Variants in CACNA2D3 observed in about 807,000 individuals in gnomAD.
CACNA2D3 encodes calcium voltage-gated channel auxiliary subunit alpha2delta 3.
Under a neutral mutation model 160.6 loss-of-function variants are expected in CACNA2D3, and 60 were observed. That is an observed-to-expected ratio of 0.37 (90% CI 0.30 to 0.46). The LOEUF is 0.46. CACNA2D3 is among the 20% of genes least tolerant of loss of function. CACNA2D3 has a pLI of 1.00. For missense variants in CACNA2D3, 1,205 were observed against 1,365.0 expected (o/e 0.88, Z 1.85); for synonymous variants, 558 against 492.9 (o/e 1.13, Z -1.75).
At chr3:54,567,554 G>T (rs1702428080) in intron 6 of CACNA2D3, among the ~76,000 whole-genome samples, 2 of 152,062 alleles carry the variant, frequency 1.3e-5, no homozygotes, top group Non-Finnish European at 2.9e-5. Flanking sequence ...TTTGTTTTTT[G>T]AGAAGGAGTC....
intron 11 of CACNA2D3, among the ~76,000 whole-genome samples, chr3:54,671,543 C>T (rs1575416106): frequency 6.6e-6 from 1 of 152,174 alleles, no homozygotes; most frequent in East Asian, 1.9e-4. Context: ...CAGAGCTCCT[C>T]TATCAGCCCT....
intron 5 of CACNA2D3, among the ~76,000 whole-genome samples, chr3:54,559,228 A>G (rs1360848860): frequency 6.6e-6 from 1 of 152,184 alleles, no homozygotes; most frequent in Non-Finnish European, 1.5e-5. Flanking sequence ...TGCTTCAGCC[A>G]GTGTACAGGA....
chr3:54,966,806 G>A (rs1223133719), intron 27 of CACNA2D3: 1 of 152,172 alleles, frequency 6.6e-6, no homozygotes, highest in Admixed American at 6.5e-5. Flanking sequence ...ACAGCAGAGT[G>A]AGATTCTGTC....
At chr3:54,650,623 C>T (rs563422443) in intron 11 of CACNA2D3, among the ~76,000 whole-genome samples, 24 of 152,240 alleles carry the variant, frequency 1.6e-4, no homozygotes, top group African/African-American at 5.8e-4. Flanking sequence ...CCTCGGCCTC[C>T]CAAAGTGCTA....
At chr3:54,759,386 G>A (rs2107083855) in intron 12 of CACNA2D3, among the ~76,000 whole-genome samples, 1 of 151,692 alleles carries the variant, frequency 6.6e-6, no homozygotes, top group South Asian at 2.1e-4. Flanking sequence ...GAAAACAAGG[G>A]AAGTGTCTAT....
At chr3:54,667,226 C>T (rs915505064) in intron 11 of CACNA2D3, among the ~76,000 whole-genome samples, 3 of 141,098 alleles carry the variant, frequency 2.1e-5, no homozygotes, top group Admixed American at 6.8e-5. Flanking sequence ...CTACCTTGAA[C>T]TATTTTTTTT....
chr3:54,543,994 A>G (rs1382993838), intron 5 of CACNA2D3, among the ~76,000 whole-genome samples: 1 of 152,080 alleles, frequency 6.6e-6, no homozygotes, highest in Non-Finnish European at 1.5e-5. Flanking sequence ...CCCTTGTTGT[A>G]CTGTGTAGTT....
At chr3:54,412,079 T>C (rs144387648) in intron 4 of CACNA2D3, among the ~76,000 whole-genome samples, 14 of 152,320 alleles carry the variant, frequency 9.2e-5, no homozygotes, top group Admixed American at 8.5e-4. Context: ...TTGAACTTTA[T>C]AAAAAATAGA....
intron 2 of CACNA2D3, among the ~76,000 whole-genome samples, chr3:54,157,427 G>A (rs1431568117): frequency 2.0e-5 from 3 of 152,176 alleles, no homozygotes; most frequent in Admixed American, 6.5e-5. Flanking sequence ...CAGCCCCTGT[G>A]CTTGGATGAC....
chr3:54,891,262 A>G (rs1700060393), intron 24 of CACNA2D3, 93 bp from the exon 25 acceptor site: 3 of 778,268 alleles, frequency 3.9e-6, no homozygotes. Context: ...CAAAACTGCT[A>G]TTTGGTAAAA....
Position 54,390,958 on chromosome 3 carries a change from A to G in CACNA2D3, c.381+4184A>G, listed in dbSNP as rs78489607. ...ATAACGCTGAGAAGGAACCTACCCT[A>G]TTAGCTCAGGAGGAGTACAGGGAGC... On this transcript the variant is annotated intron_variant, in intron 4 of 37. Coordinates refer to ENST00000474759, the MANE Select transcript of CACNA2D3 (RefSeq NM_018398.3). 9.3e-3 allele frequency among the ~76,000 whole-genome samples: 1,408 copies of G among 152,168 alleles called. 19 individuals carry two copies. The highest frequency in any genetic ancestry group is 0.032 in the African/African-American group (1,333 of 41,514).
chr3:54,411,566 A>G (rs939446916), intron 4 of CACNA2D3, among the ~76,000 whole-genome samples: 1 of 152,206 alleles, frequency 6.6e-6, no homozygotes, highest in African/African-American at 2.4e-5. Flanking sequence ...ATTAAGGTAC[A>G]CACATTGATT....
chr3:54,697,034 T>C (rs932379968), intron 11 of CACNA2D3, among the ~76,000 whole-genome samples: 12 of 152,182 alleles, frequency 7.9e-5, no homozygotes, highest in South Asian at 6.2e-4. Context: ...CCCAGCACTT[T>C]GGGAGGCCGA....
intron 8 of CACNA2D3, among the ~76,000 whole-genome samples, chr3:54,576,195 T>C (rs889048892): frequency 6.6e-6 from 1 of 152,182 alleles, no homozygotes; most frequent in Non-Finnish European, 1.5e-5. Context: ...GAAAGCGGAA[T>C]TGCTTTCATC....
chr3:54,341,400 G>A (rs1382790011), intron 3 of CACNA2D3, among the ~76,000 whole-genome samples: 3 of 152,156 alleles, frequency 2.0e-5, no homozygotes, highest in African/African-American at 7.2e-5. Flanking sequence ...AGGTAACTTG[G>A]TGGAGATTTA....
intron 2 of CACNA2D3, among the ~76,000 whole-genome samples, chr3:54,227,360 A>T (rs1447091425): frequency 6.6e-6 from 1 of 152,004 alleles, no homozygotes; most frequent in East Asian, 1.9e-4. Flanking sequence ...CCTAAAGTTC[A>T]CTAGTTTACC....
intron 17 of CACNA2D3, among the ~76,000 whole-genome samples, chr3:54,851,998 G>A (rs1407526409): frequency 1.3e-5 from 2 of 152,162 alleles, no homozygotes; most frequent in East Asian, 3.9e-4. Context: ...GACCCTTCTA[G>A]ATAAAATGGA....
At chr3:54,348,893 A>C (rs2107531118) in intron 3 of CACNA2D3, among the ~76,000 whole-genome samples, 1 of 152,080 alleles carries the variant, frequency 6.6e-6, no homozygotes, top group Middle Eastern at 3.4e-3. Context: ...ATGCCTGGCT[A>C]ATTTTTGTAT....
intron 2 of CACNA2D3, among the ~76,000 whole-genome samples, chr3:54,241,030 T>C (rs1448794880): frequency 1.3e-5 from 2 of 152,210 alleles, no homozygotes; most frequent in Non-Finnish European, 2.9e-5. Flanking sequence ...CATGAGCCAC[T>C]GCACCTGGCT....
Sources: gnomAD v4.1 joint callset for allele counts (sites outside exome capture counted in the v4.1 genomes callset) on GRCh38, gnomAD v4.1.1 for gene constraint, MANE v1.5 for transcripts, NCBI Gene and HGNC (gene_info 2026-07-23, HGNC 2026-07-21) for gene names.